The following YAE1 variants were observed in gnomAD, a reference collection of about 807,000 sequenced individuals.
YAE1 encodes YAE1 maturation factor of ABCE1.
A neutral mutation model predicts 23.0 loss-of-function variants in YAE1; 22 were observed. The ratio of observed to expected loss-of-function variants is 0.96; its 90% CI spans 0.68 to 1.37. YAE1 has a LOEUF of 1.37. YAE1 is among the 40% of genes most tolerant of loss of function. The pLI is 0.00. For missense variants in YAE1, 260 were observed against 262.1 expected, an observed-to-expected ratio of 0.99 and a Z score of 0.06; for synonymous variants, 101 against 97.0, an observed-to-expected ratio of 1.04 and a Z score of -0.24.
At chr7:39,601,130 C>A (rs1160326902) in intron 2 of YAE1, among the ~76,000 whole-genome samples, 1 of 152,114 alleles carries the variant, frequency 6.6e-6, no homozygotes, top group Non-Finnish European at 1.5e-5. Context: ...AAAGCAAGCA[C>A]AAAGCGAAAA....
intron 1 of YAE1, among the ~76,000 whole-genome samples, chr7:39,568,893 A>G (rs541766923): frequency 3.3e-5 from 5 of 152,298 alleles, no homozygotes; most frequent in African/African-American, 9.6e-5. Flanking sequence ...AAATTTTGGA[A>G]TATATCTCTA....
chr7:39,570,130 C>A (rs1438520325), intron 1 of YAE1: 5 of 848,866 alleles, frequency 5.9e-6, no homozygotes, highest in African/African-American at 3.3e-5. Flanking sequence ...GCCTGTGGGT[C>A]CAGGGAGCAC....
At chr7:39,608,445 G>A (rs970982333) in intron 2 of YAE1, among the ~76,000 whole-genome samples, 3 of 152,094 alleles carry the variant, frequency 2.0e-5, no homozygotes, top group African/African-American at 7.2e-5. Context: ...GATAGAGAAA[G>A]TTTAAGGGAT....
intron 1 of YAE1, chr7:39,570,139 A>G: frequency 1.2e-6 from 1 of 817,434 alleles, no homozygotes. Context: ...TCCAGGGAGC[A>G]CCCCCAAGCA....
intron 2 of YAE1, among the ~76,000 whole-genome samples, chr7:39,607,314 G>A (rs1414623095): frequency 1.3e-5 from 2 of 152,304 alleles, no homozygotes; most frequent in East Asian, 3.9e-4. Context: ...ATGGAATTAA[G>A]GTTGATAATC....
chr7:39,572,635 GAACA>G lies in YAE1; in HGVS notation c.611_614del (p.Glu204GlyfsTer5). 1 of 1,613,844 alleles carries G rather than the reference GAACA, an allele frequency of 6.2e-7. No homozygotes were observed. The highest frequency in any genetic ancestry group is 8.5e-7 in the Non-Finnish European group (1 of 1,179,874). ...AAACCCAAGCCCCACATGGATTTTGGAACAGACAGCCAGTTTAGTTAAACAGCTG... is the reference window on the plus strand; with the variant it reads ...AAACCCAAGCCCCACATGGATTTTGGGACAGCCAGTTTAGTTAAACAGCTG... On this transcript the variant is annotated frameshift_variant, in exon 3 of 3. Transcript: ENST00000223273. LOFTEE classifies it high-confidence loss of function.
chr7:39,584,378 G>A (rs1212577933), intron 2 of YAE1, among the ~76,000 whole-genome samples: 1 of 152,020 alleles, frequency 6.6e-6, no homozygotes, highest in Non-Finnish European at 1.5e-5. Flanking sequence ...GGTCAATAGT[G>A]CACAAAAAAG....
chr7:39,611,917 G>T (rs978615407), downstream of YAE1, among the ~76,000 whole-genome samples: 8 of 152,146 alleles, frequency 5.3e-5, no homozygotes, highest in Admixed American at 2.0e-4. Context: ...GTCAAAGACA[G>T]ATGTTCTGAT....
chr7:39,611,739 G>A (rs1359683326), downstream of YAE1, among the ~76,000 whole-genome samples: 1 of 152,072 alleles, frequency 6.6e-6, no homozygotes, highest in Admixed American at 6.5e-5. Context: ...GATTTGTTCA[G>A]GACCACATTT....
Position 39,609,697 on chromosome 7 carries a change from C to T in YAE1, c.332C>T (p.Pro111Leu), listed in dbSNP as rs987803497. 6 of 1,535,552 alleles carry T rather than the reference C, an allele frequency of 3.9e-6. No individual in the cohort carries two copies. In the African/African-American group the frequency reaches 4.1e-5, roughly 11 times the overall value. Residue 111 changes from proline to leucine, a missense_variant, in exon 3 of 3, where the codon CCC (proline) becomes CTC (leucine). By Grantham distance (98) the Pro-to-Leu change is moderately conservative (BLOSUM62 -3). Transcript: ENST00000432096. ...GTTGGGACGCAACTACTGCCGCGTC[C>T]CCTCCCGGTCCCCGGCCACATGGCG...
At chr7:39,609,841 C>A in exon 3 of YAE1, 1 of 1,533,120 alleles carries the variant, frequency 6.5e-7, no homozygotes, top group South Asian at 1.2e-5. Context: ...GGCCCTGGGA[C>A]GCCGAGCCAC....
At chr7:39,576,477 C>A (rs1790658347), downstream of YAE1, among the ~76,000 whole-genome samples, 1 of 152,220 alleles carries the variant, frequency 6.6e-6, no homozygotes, top group Admixed American at 6.5e-5. Flanking sequence ...ACCATGCACA[C>A]TACACTTCTT....
intron 2 of YAE1, among the ~76,000 whole-genome samples, chr7:39,588,936 C>T (rs1790861241): frequency 6.6e-6 from 1 of 151,946 alleles, no homozygotes; most frequent in Admixed American, 6.6e-5. Context: ...AATTCTCCTG[C>T]CTCAGCCTCC....
intron 2 of YAE1, among the ~76,000 whole-genome samples, chr7:39,600,926 T>C (rs1791046535): frequency 6.6e-6 from 1 of 152,194 alleles, no homozygotes; most frequent in African/African-American, 2.4e-5. Context: ...TCCAGAACTA[T>C]GAGACAAACT....
chr7:39,578,283 C>T (rs541712355), intron 2 of YAE1, among the ~76,000 whole-genome samples: 1 of 152,278 alleles, frequency 6.6e-6, no homozygotes, highest in African/African-American at 2.4e-5. Context: ...CAAAACGGAC[C>T]AATAAGCTGT....
rs201951899 is a variant in YAE1 at position 39,588,819 on chromosome 7, A to AG, written c.251+18194dup. Reference sequence around the variant, plus strand: ...AAAAATGTAAACAATATATAATTTTAGGTTTTTTTTTTCTTTTTTTTGGAG... The same window carrying AG: ...AAAAATGTAAACAATATATAATTTTAGGGTTTTTTTTTTCTTTTTTTTGGAG... On this transcript the variant is annotated intron_variant, in intron 2 of 2. Coordinates refer to the YAE1 transcript ENST00000432096. 0.01 allele frequency among the ~76,000 whole-genome samples: 717 copies of AG among 69,362 alleles called. 2 individuals are homozygous for AG. In the East Asian group the frequency reaches 0.14, roughly 14 times the overall value. The allele number at this position is 69,362 out of a possible 152,430, so 45.5% of individuals were successfully genotyped here.
At chr7:39,609,858 C>T in exon 3 of YAE1, 1 of 1,533,686 alleles carries the variant, frequency 6.5e-7, no homozygotes, top group Non-Finnish European at 8.7e-7. Context: ...CCACCGCCGG[C>T]GTTTCAGACG....
At chr7:39,578,260 A>G (rs1457402952) in intron 2 of YAE1, among the ~76,000 whole-genome samples, 4 of 152,286 alleles carry the variant, frequency 2.6e-5, no homozygotes, top group African/African-American at 4.8e-5. Context: ...AAATACACCA[A>G]TCAGCACTCT....
chr7:39,572,889 G>A, downstream of YAE1: 1 of 1,231,540 alleles, frequency 8.1e-7, no homozygotes, highest in Non-Finnish European at 1.0e-6. Context: ...TTTTTTCTTT[G>A]TCACTGGTAA....
Sources: allele counts gnomAD v4.1 joint callset (sites outside exome capture counted in the v4.1 genomes callset), GRCh38; gene constraint gnomAD v4.1.1; transcripts MANE v1.5; gene names NCBI Gene and HGNC (gene_info 2026-07-23, HGNC 2026-07-21).